Variants in SLC15A2 observed in about 807,000 individuals in gnomAD.
SLC15A2 encodes the protein solute carrier family 15 member 2, also known as kidney H(+)/peptide cotransporter.
In SLC15A2, 77 loss-of-function variants were observed where a neutral mutation model predicts 95.5. The observed-to-expected ratio is 0.81, with a 90% CI of 0.67 to 0.97. SLC15A2 has a LOEUF of 0.97. SLC15A2 is among the 50% of genes least tolerant of loss of function. SLC15A2 has a pLI of 0.00. For synonymous variants in SLC15A2, 306 were observed against 306.9 expected (o/e 1.00, Z 0.03); for missense variants, 893 against 874.4 (o/e 1.02, Z -0.27).
At chr3:121,929,514 G>T (rs1449376295) in intron 17 of SLC15A2, among the ~76,000 whole-genome samples, 166 bp downstream of exon 17, 4 of 152,112 alleles carry the variant, frequency 2.6e-5, no homozygotes, top group African/African-American at 9.7e-5. Context: ...AGGCAGATAG[G>T]CTTCTTTTCT....
intron 19 of SLC15A2, among the ~76,000 whole-genome samples, chr3:121,937,186 C>T (rs1334764363): frequency 5.3e-5 from 4 of 75,592 alleles, no homozygotes; most frequent in African/African-American, 1.6e-4. Context: ...TTCTCTCTGG[C>T]TGCCCTTAAC....
At chr3:121,929,256 T>C (rs1710183049) in intron 16 of SLC15A2, 46 bp from the exon 17 acceptor site, 3 of 1,609,968 alleles carry the variant, frequency 1.9e-6, no homozygotes, top group Non-Finnish European at 2.5e-6. Flanking sequence ...TGAGTATAGG[T>C]CTTATTTCAT....
intron 3 of SLC15A2, among the ~76,000 whole-genome samples, chr3:121,903,542 G>A (rs1396066146): frequency 2.6e-5 from 4 of 152,090 alleles, no homozygotes; most frequent in African/African-American, 9.7e-5. Flanking sequence ...GTGTAAGGAA[G>A]GGATCCAGTT....
At chr3:121,925,378 T>C (rs780389429) in intron 13 of SLC15A2, among the ~76,000 whole-genome samples, 13 of 152,122 alleles carry the variant, frequency 8.5e-5, no homozygotes, top group Non-Finnish European at 1.9e-4. Context: ...TCAAGGCCTT[T>C]GATGACTACT....
intron 19 of SLC15A2, among the ~76,000 whole-genome samples, chr3:121,936,286 T>C (rs1172922078): frequency 6.6e-6 from 1 of 152,196 alleles, no homozygotes; most frequent in Non-Finnish European, 1.5e-5. Context: ...TAGGTCTGCT[T>C]GGTGCAGAGC....
At chr3:121,907,600 A>G (rs557112969) in intron 3 of SLC15A2, among the ~76,000 whole-genome samples, 1 of 152,254 alleles carries the variant, frequency 6.6e-6, no homozygotes, top group African/African-American at 2.4e-5. Flanking sequence ...TTTCCTTCTA[A>G]CAGTCAGGTC....
At chr3:121,895,964 G>GAACA (rs1326317077) in intron 1 of SLC15A2, among the ~76,000 whole-genome samples, 1 of 152,194 alleles carries the variant, frequency 6.6e-6, no homozygotes, top group African/African-American at 2.4e-5. Flanking sequence ...ATGGCAAACA[G>GAACA]AACAGCTGGG....
chr3:121,897,546 G>A lies in SLC15A2; in HGVS notation c.335+17G>A. 6.2e-7 allele frequency: 1 copy of A among 1,613,282 alleles called. No individual in the cohort carries two copies. The highest frequency in any genetic ancestry group is 8.5e-7 in the Non-Finnish European group (1 of 1,179,786). ...AAAATTCAAGTAAGGAAGATGGGAG[G>A]TCACATCCCTACAAGTTTCACAGGT... On this transcript the variant is annotated intron_variant, in intron 3 of 21. Transcript: ENST00000489711.
intron 5 of SLC15A2, among the ~76,000 whole-genome samples, 186 bp downstream of exon 5, chr3:121,913,306 C>A (rs1709811580): frequency 6.6e-6 from 1 of 151,892 alleles, no homozygotes; most frequent in African/African-American, 2.4e-5. Context: ...AGGAAAGAGA[C>A]CAGGGTGGTA....
Position 121,896,387 on chromosome 3 carries a change from T to C in SLC15A2, c.106-19T>C. 2 of 1,591,642 alleles carry C rather than the reference T, an allele frequency of 1.3e-6. No homozygotes were observed. The highest frequency in any genetic ancestry group is 2.2e-5 in the South Asian group (2 of 90,568). On this transcript the variant is annotated intron_variant, in intron 1 of 21. Coordinates refer to ENST00000489711, the MANE Select transcript of SLC15A2 (RefSeq NM_021082.4). ...GGAAAAACAGCTCATGCTTGAATCA[T>C]TGCCTTCTTGTTGAATAGACAATCT...
In SLC15A2 at chr3:121,924,382, A is replaced by AT; in HGVS notation, c.1034_1035insT (p.Gln345HisfsTer16). On this transcript the variant is annotated frameshift_variant and splice_region_variant, in exon 12 of 22. Coordinates refer to ENST00000489711, the MANE Select transcript of SLC15A2 (RefSeq NM_021082.4). LOFTEE classifies it high-confidence loss of function. Reference sequence around the variant, plus strand: ...TTTGTGCTTCAGCCGGACCAGATGCAGGTATGTGACTCTTCTATAGCCATG... The same window carrying AT: ...TTTGTGCTTCAGCCGGACCAGATGCATGGTATGTGACTCTTCTATAGCCATG... 1 of 1,613,236 alleles carries AT rather than the reference A, an allele frequency of 6.2e-7. No homozygotes were observed. The highest frequency in any genetic ancestry group is 8.5e-7 in the Non-Finnish European group (1 of 1,179,308).
chr3:121,930,831 T>C lies in SLC15A2; in HGVS notation c.1554-9T>C. Reference sequence around the variant, plus strand: ...TTGTTTGATATGTAAATAATATCTCTACCCTCAGGTTTGTTAACACTTTGC... The same window carrying C: ...TTGTTTGATATGTAAATAATATCTCCACCCTCAGGTTTGTTAACACTTTGC... On this transcript the variant is annotated splice_polypyrimidine_tract_variant and intron_variant, in intron 17 of 21. Coordinates refer to ENST00000489711, the MANE Select transcript of SLC15A2 (RefSeq NM_021082.4). The C allele has an allele frequency of 6.5e-7, 1 of 1,548,834 alleles. No individual in the cohort carries two copies. Among genetic ancestry groups the C allele is most frequent in the Non-Finnish European group, 8.9e-7 (1 of 1,121,112 alleles).
intron 5 of SLC15A2, among the ~76,000 whole-genome samples, chr3:121,914,155 T>C (rs1452130489): frequency 6.6e-6 from 1 of 152,124 alleles, no homozygotes; most frequent in Non-Finnish European, 1.5e-5. Context: ...AGAACCAACT[T>C]TTGGCAAGTG....
chr3:121,917,083 G>C (rs974092567), intron 7 of SLC15A2, among the ~76,000 whole-genome samples: 2 of 152,208 alleles, frequency 1.3e-5, no homozygotes, highest in East Asian at 3.9e-4. Context: ...GCCTCCCAAA[G>C]TGCTAGGATT....
rs574891894 is a variant in SLC15A2, at chr3:121,935,986, A to G, written c.1762-3363A>G. Reference sequence around the variant, plus strand: ...TGTGTCTTTGTTCTCGTTGGTTTCAAAGAACATCTTTATTTCTGCCTTCAT... The same window carrying G: ...TGTGTCTTTGTTCTCGTTGGTTTCAGAGAACATCTTTATTTCTGCCTTCAT... On this transcript the variant is annotated intron_variant, in intron 19 of 21. Coordinates refer to ENST00000489711, the MANE Select transcript of SLC15A2 (RefSeq NM_021082.4). Among the ~76,000 whole-genome samples, 6 of 152,232 alleles carry G rather than the reference A, an allele frequency of 3.9e-5. No homozygotes were observed. In the South Asian group the frequency reaches 1.2e-3, roughly 32 times the overall value.
At chr3:121,896,340 A>C in intron 1 of SLC15A2, 66 bp from the exon 2 acceptor site, 1 of 1,291,212 alleles carries the variant, frequency 7.7e-7, no homozygotes, top group Non-Finnish European at 1.1e-6. Context: ...TCAGTTTTGA[A>C]GAAATCTAAT....
intron 3 of SLC15A2, among the ~76,000 whole-genome samples, chr3:121,907,999 G>A (rs1258571395): frequency 6.6e-6 from 1 of 152,244 alleles, no homozygotes; most frequent in East Asian, 1.9e-4. Context: ...GGGGTCTACA[G>A]AGGCAGCAGG....
chr3:121,934,801 T>C (rs1206259244), intron 19 of SLC15A2, among the ~76,000 whole-genome samples: 1 of 152,176 alleles, frequency 6.6e-6, no homozygotes, highest in East Asian at 1.9e-4. Flanking sequence ...CAACACTATG[T>C]TGAATAGGAG....
intron 19 of SLC15A2, 50 bp from the exon 20 acceptor site, chr3:121,939,299 A>G: frequency 1.5e-6 from 2 of 1,375,874 alleles, no homozygotes; most frequent in East Asian, 2.7e-5. Flanking sequence ...AGTTAGAAAT[A>G]TTTACTTGAG....
Sources: allele counts gnomAD v4.1 joint callset (sites outside exome capture counted in the v4.1 genomes callset), GRCh38; gene constraint gnomAD v4.1.1; transcripts MANE v1.5; gene names NCBI Gene and HGNC (gene_info 2026-07-23, HGNC 2026-07-21).